The following RSPH14 variants were observed in gnomAD, a reference collection of about 807,000 sequenced individuals.
RSPH14 encodes the protein radial spoke head 14 homolog.
RSPH14 carries 20 observed loss-of-function variants against 26.7 expected under a neutral mutation model. The ratio of observed to expected loss-of-function variants is 0.75; its 90% confidence interval spans 0.53 to 1.09. RSPH14 has a LOEUF of 1.09. RSPH14 is among the 50% of genes least tolerant of loss of function. The pLI is 0.00. For synonymous variants in RSPH14, 177 were observed against 189.3 expected (o/e 0.93, Z 0.53); for missense variants, 449 against 457.2 (o/e 0.98, Z 0.16).
the RSPH14 span, chr22:23,155,835 G>A: frequency 2.8e-6 from 2 of 727,240 alleles, no homozygotes; most frequent in Non-Finnish European, 2.1e-6. Context: ...CTCACAACAG[G>A]CACTTCCTGA....
chr22:23,092,126 A>G (rs578051716), intron 4 of RSPH14, among the ~76,000 whole-genome samples: 1 of 149,176 alleles, frequency 6.7e-6, no homozygotes, highest in South Asian at 2.1e-4. Context: ...TGTGGTCATC[A>G]ACTCTTGGCC....
At chr22:23,127,803 A>G (rs2070222538) in intron 4 of RSPH14, among the ~76,000 whole-genome samples, 1 of 152,196 alleles carries the variant, frequency 6.6e-6, no homozygotes, top group South Asian at 2.1e-4. Flanking sequence ...GACTTGGATC[A>G]AACTGCATCC....
chr22:23,179,496 T>C, the RSPH14 span, among the ~76,000 whole-genome samples: 2 of 152,120 alleles, frequency 1.3e-5, no homozygotes, highest in Non-Finnish European at 1.5e-5. Context: ...CCTGTGAACC[T>C]CAGTGCAGGT....
At chr22:23,132,654 G>A (rs907422693) in intron 4 of RSPH14, 1 of 152,136 alleles carries the variant, frequency 6.6e-6, no homozygotes, top group Non-Finnish European at 1.5e-5. Context: ...GATTAATGAG[G>A]ATATAAATCA....
intron 4 of RSPH14, among the ~76,000 whole-genome samples, chr22:23,087,812 C>T (rs575622602): frequency 6.6e-6 from 1 of 152,286 alleles, no homozygotes; most frequent in East Asian, 1.9e-4. Flanking sequence ...TGGGTGGGGC[C>T]AGTTGATCCA....
chr22:23,177,442 G>A, the RSPH14 span, among the ~76,000 whole-genome samples: 1 of 152,114 alleles, frequency 6.6e-6, no homozygotes, highest in Non-Finnish European at 1.5e-5. Context: ...CTCACTATAT[G>A]AGAGACATAG....
chr22:23,148,311 G>A (rs9612246), upstream of RSPH14, among the ~76,000 whole-genome samples: 1 of 152,318 alleles, frequency 6.6e-6, no homozygotes, highest in East Asian at 1.9e-4. Context: ...GTGGTAACTA[G>A]GGATGACAGA....
At chr22:23,159,128 C>T in the RSPH14 span, 22 of 1,601,326 alleles carry the variant, frequency 1.4e-5, no homozygotes, top group South Asian at 4.5e-5. Context: ...GCAGGAGAGC[C>T]GGGACGCTGG....
chr22:23,146,636 C>T, upstream of RSPH14: 10 of 1,614,078 alleles, frequency 6.2e-6, no homozygotes, highest in Non-Finnish European at 8.5e-6. Flanking sequence ...TCCCTGACAC[C>T]TTTGGGGCCC....
upstream of RSPH14, among the ~76,000 whole-genome samples, chr22:23,149,891 G>T (rs1479284818): frequency 2.0e-5 from 3 of 152,242 alleles, no homozygotes; most frequent in Non-Finnish European, 4.4e-5. Context: ...GAGCCTCAAG[G>T]CTGAGGAAAT....
intron 4 of RSPH14, among the ~76,000 whole-genome samples, chr22:23,101,625 G>A (rs1355814730): frequency 6.6e-6 from 1 of 152,226 alleles, no homozygotes; most frequent in South Asian, 2.1e-4. Context: ...CCCTTTTCCC[G>A]ACACACACAG....
At chr22:23,087,889 C>G (rs2068861214) in intron 4 of RSPH14, among the ~76,000 whole-genome samples, 1 of 152,218 alleles carries the variant, frequency 6.6e-6, no homozygotes, top group Admixed American at 6.5e-5. Flanking sequence ...GGGTCAGAAT[C>G]TTTAGCCTTC....
intron 4 of RSPH14, among the ~76,000 whole-genome samples, chr22:23,110,724 T>C (rs1355555395): frequency 1.3e-5 from 2 of 152,170 alleles, no homozygotes; most frequent in Admixed American, 1.3e-4. Flanking sequence ...CTGGTTGTCA[T>C]AGAAACAGCA....
intron 4 of RSPH14, among the ~76,000 whole-genome samples, chr22:23,069,874 G>A (rs1275295804): frequency 6.6e-6 from 1 of 152,178 alleles, no homozygotes; most frequent in Non-Finnish European, 1.5e-5. Flanking sequence ...CAAACAGAAA[G>A]GCTGAGAGAG....
chr22:23,095,484 G>A (rs1453606053), intron 4 of RSPH14: 3 of 577,754 alleles, frequency 5.2e-6, no homozygotes, highest in Non-Finnish European at 9.1e-6. Context: ...TAGTGGGGAG[G>A]GGCGGCCACC....
At chr22:23,157,312 G>T in the RSPH14 span, among the ~76,000 whole-genome samples, 119 of 151,644 alleles carry the variant, frequency 7.8e-4, 1 homozygote, top group East Asian at 0.011. Flanking sequence ...GTGCAGTGGC[G>T]CAATCTCGGC....
intron 4 of RSPH14, among the ~76,000 whole-genome samples, chr22:23,078,900 C>T (rs2068588328): frequency 6.6e-6 from 1 of 152,182 alleles, no homozygotes; most frequent in African/African-American, 2.4e-5. Flanking sequence ...TCGGCCAAGT[C>T]CAGGTGGGCG....
intron 4 of RSPH14, among the ~76,000 whole-genome samples, chr22:23,126,208 C>G (rs2070178594): frequency 6.6e-6 from 1 of 152,226 alleles, no homozygotes; most frequent in African/African-American, 2.4e-5. Flanking sequence ...GATTGAGCCT[C>G]CCTTCCTAAT....
chr22:23,123,725 C>A, intron 4 of RSPH14: 1 of 403,240 alleles, frequency 2.5e-6, no homozygotes, highest in Non-Finnish European at 4.5e-6. Context: ...TCACTACAAG[C>A]CCAACCTGCC....
Sources: gnomAD v4.1 joint callset for allele counts (sites outside exome capture counted in the v4.1 genomes callset) on GRCh38, gnomAD v4.1.1 for gene constraint, MANE v1.5 for transcripts, NCBI Gene and HGNC (gene_info 2026-07-23, HGNC 2026-07-21) for gene names.